ASTN2: variants seen among roughly 807,000 people sequenced by gnomAD.
ASTN2 encodes astrotactin 2.
Under a neutral mutation model 139.8 loss-of-function variants are expected in ASTN2, and 54 were observed. That is an observed-to-expected ratio of 0.39 (90% CI 0.31 to 0.48). The LOEUF is 0.48. ASTN2 is among the 20% of genes least tolerant of loss of function. The pLI, the probability that ASTN2 is intolerant of heterozygous loss-of-function variation, is 0.95. For synonymous variants in ASTN2, 756 were observed against 719.5 expected (o/e 1.05, Z -0.81); for missense variants, 1,565 against 1,725.1 (o/e 0.91, Z 1.64).
At chr9:116,981,333 A>C (rs762875656) in intron 7 of ASTN2, among the ~76,000 whole-genome samples, 2 of 152,244 alleles carry the variant, frequency 1.3e-5, no homozygotes, top group Non-Finnish European at 2.9e-5. Context: ...GGCTGAGTTC[A>C]TTTAGAATAA....
At chr9:116,720,740 T>C (rs1316975530) in intron 16 of ASTN2, among the ~76,000 whole-genome samples, 4 of 152,194 alleles carry the variant, frequency 2.6e-5, no homozygotes, top group Admixed American at 2.6e-4. Flanking sequence ...AAACTTATTA[T>C]ATTTCTAATT....
intron 5 of ASTN2, among the ~76,000 whole-genome samples, chr9:117,095,701 A>G (rs1828823397): frequency 6.6e-6 from 1 of 152,156 alleles, no homozygotes; most frequent in Non-Finnish European, 1.5e-5. Context: ...TTCTGCATCA[A>G]CCCAACCTGG....
intron 11 of ASTN2, among the ~76,000 whole-genome samples, chr9:116,852,075 C>T (rs1046041098): frequency 3.3e-5 from 5 of 152,170 alleles, no homozygotes; most frequent in African/African-American, 4.8e-5. Flanking sequence ...TCCCCATGAT[C>T]ATGGGCCTGA....
At chr9:116,921,582 C>T (rs568617454) in intron 10 of ASTN2, among the ~76,000 whole-genome samples, 15 of 96,876 alleles carry the variant, frequency 1.5e-4, no homozygotes, top group South Asian at 1.1e-3. Flanking sequence ...AGCGAGACTC[C>T]GTCTAAAAAA....
At chr9:117,035,200 T>C (rs1295402332) in intron 6 of ASTN2, among the ~76,000 whole-genome samples, 1 of 152,176 alleles carries the variant, frequency 6.6e-6, no homozygotes, top group East Asian at 1.9e-4. Context: ...TGGTCTCAAA[T>C]GGAGCTTCTT....
chr9:117,348,040 T>C (rs188961058), intron 1 of ASTN2, among the ~76,000 whole-genome samples: 1 of 152,346 alleles, frequency 6.6e-6, no homozygotes, highest in African/African-American at 2.4e-5. Context: ...TCTCATTATT[T>C]TTAATATTTG....
At chr9:116,919,429 C>G (rs1323404742) in intron 10 of ASTN2, among the ~76,000 whole-genome samples, 7 of 152,048 alleles carry the variant, frequency 4.6e-5, no homozygotes, top group African/African-American at 1.7e-4. Context: ...AAGATAATAC[C>G]TCAATTTCCT....
intron 3 of ASTN2, among the ~76,000 whole-genome samples, chr9:117,181,371 T>C (rs151201440): frequency 3.3e-5 from 5 of 152,322 alleles, no homozygotes; most frequent in African/African-American, 7.2e-5. Context: ...ATGTCTCAAA[T>C]ACATTTCATA....
At chr9:116,671,683 C>T (rs1859203268) in intron 16 of ASTN2, among the ~76,000 whole-genome samples, 1 of 115,634 alleles carries the variant, frequency 8.6e-6, no homozygotes, top group South Asian at 4.3e-4. Flanking sequence ...TAGACTCCCT[C>T]TTGCTGGCTT....
chr9:116,667,666 G>A (rs952911895), intron 16 of ASTN2, among the ~76,000 whole-genome samples: 9 of 152,016 alleles, frequency 5.9e-5, no homozygotes, highest in Non-Finnish European at 8.8e-5. Context: ...TAGAATGAGG[G>A]GAGATTTTTC....
At chr9:116,665,751 T>C (rs1160414848) in intron 16 of ASTN2, among the ~76,000 whole-genome samples, 2 of 152,182 alleles carry the variant, frequency 1.3e-5, no homozygotes, top group Non-Finnish European at 2.9e-5. Context: ...CATTAAACAA[T>C]TTGAACAAGG....
At chr9:116,901,358 AT>A (rs1423680856) in intron 10 of ASTN2, among the ~76,000 whole-genome samples, 32 of 152,112 alleles carry the variant, frequency 2.1e-4, no homozygotes, top group East Asian at 1.9e-4. Flanking sequence ...CAGAAAAAAA[AT>A]AATTTATAAT....
In ASTN2 at chr9:117,414,453, T is replaced by C. The variant is rs1831267208; in HGVS notation, c.442+44A>G. The C allele has an allele frequency of 6.3e-7, 1 of 1,599,822 alleles. No homozygotes were observed. The highest frequency in any genetic ancestry group is 8.5e-7 in the Non-Finnish European group (1 of 1,174,026). On this transcript the variant is annotated intron_variant, in intron 1 of 22. Coordinates refer to ENST00000313400, the MANE Select transcript of ASTN2 (RefSeq NM_001365068.1). The surrounding 1 kb of genome is among the most constrained non-coding windows in gnomAD (Gnocchi z 4.2). ...CACCCGTCCGGCATGACGCAGGGGC[T>C]CGGGGTTCCTTGGGATCTAGCGCGT...
At chr9:116,638,082 C>A (rs190092912) in intron 17 of ASTN2, among the ~76,000 whole-genome samples, 1 of 152,186 alleles carries the variant, frequency 6.6e-6, no homozygotes, top group Non-Finnish European at 1.5e-5. Flanking sequence ...GTAATACATA[C>A]AGGTTGGCCT....
At chr9:117,274,895 C>G (rs1039775015) in intron 2 of ASTN2, among the ~76,000 whole-genome samples, 2 of 152,342 alleles carry the variant, frequency 1.3e-5, no homozygotes, top group African/African-American at 4.8e-5. Flanking sequence ...GGCCATATCT[C>G]CTAATACAGT....
At chr9:116,760,836 C>A (rs1201886914) in intron 13 of ASTN2, among the ~76,000 whole-genome samples, 2 of 151,818 alleles carry the variant, frequency 1.3e-5, no homozygotes, top group East Asian at 3.9e-4. Flanking sequence ...CCCGCCGCAG[C>A]TAACAAGATA....
chr9:117,211,899 T>C (rs948388216), intron 3 of ASTN2, among the ~76,000 whole-genome samples: 15 of 151,698 alleles, frequency 9.9e-5, no homozygotes, highest in African/African-American at 3.4e-4. Flanking sequence ...ATGAAAGAAA[T>C]TGAAGAGGAT....
At chr9:116,923,192 T>C (rs1834662112) in intron 10 of ASTN2, among the ~76,000 whole-genome samples, 1 of 152,242 alleles carries the variant, frequency 6.6e-6, no homozygotes, top group Non-Finnish European at 1.5e-5. Flanking sequence ...AGATAGGACT[T>C]TGAGACCTGT....
intron 13 of ASTN2, among the ~76,000 whole-genome samples, chr9:116,749,961 C>A (rs569888879): frequency 2.5e-4 from 38 of 152,310 alleles, no homozygotes; most frequent in African/African-American, 8.2e-4. Context: ...GTACAGCCTG[C>A]AGAACCATGA....
Sources: allele counts gnomAD v4.1 joint callset (sites outside exome capture counted in the v4.1 genomes callset), GRCh38; gene constraint gnomAD v4.1.1; non-coding constraint Gnocchi (gnomAD v3.1); transcripts MANE v1.5; gene names NCBI Gene and HGNC (gene_info 2026-07-23, HGNC 2026-07-21).